Variants in PCDH15 observed in about 807,000 individuals in gnomAD.
The protein encoded by PCDH15 is protocadherin-15.
A neutral mutation model predicts 178.5 loss-of-function variants in PCDH15; 129 were observed. That is an observed-to-expected ratio of 0.72 (90% CI 0.63 to 0.84). PCDH15 has a LOEUF of 0.84. PCDH15 is among the 40% of genes least tolerant of loss of function. The pLI is 0.00. For missense variants in PCDH15, 2,230 were observed against 2,099.9 expected, an observed-to-expected ratio of 1.06 and a Z score of -1.21; for synonymous variants, 800 against 732.0, an observed-to-expected ratio of 1.09 and a Z score of -1.50.
At chr10:54,306,336 A>T (rs994166095) in intron 8 of PCDH15, among the ~76,000 whole-genome samples, 5 of 151,962 alleles carry the variant, frequency 3.3e-5, no homozygotes, top group Admixed American at 3.3e-4. Flanking sequence ...ATGTATGTAT[A>T]TGTGTATGTT....
At chr10:54,964,151 G>A (rs192374001) in intron 2 of PCDH15, among the ~76,000 whole-genome samples, 8 of 152,190 alleles carry the variant, frequency 5.3e-5, no homozygotes, top group Admixed American at 2.6e-4. Context: ...AAGCCCTGAC[G>A]GTTGGTTTCC....
chr10:53,867,423 T>C (rs73238487), intron 26 of PCDH15, among the ~76,000 whole-genome samples: 1,885 of 152,266 alleles, frequency 0.012, 32 homozygotes, highest in African/African-American at 0.043. Context: ...CTGTTTGAGA[T>C]GACAGATATG....
At chr10:55,370,711 G>T (rs10763197) in intron 2 of PCDH15, among the ~76,000 whole-genome samples, 29,682 of 152,032 alleles carry the variant, frequency 0.2, 3,874 homozygotes, top group Non-Finnish European at 0.29. Flanking sequence ...AAGTAAATCA[G>T]AAGTGTACCT....
At chr10:54,643,934 C>T (rs559915262) in intron 2 of PCDH15, among the ~76,000 whole-genome samples, 14 of 148,076 alleles carry the variant, frequency 9.5e-5, no homozygotes, top group Non-Finnish European at 1.8e-4. Context: ...CGTCACTTAG[C>T]ATTAGGTATA....
chr10:55,337,999 C>A (rs980253524), intron 2 of PCDH15, among the ~76,000 whole-genome samples: 1 of 152,012 alleles, frequency 6.6e-6, no homozygotes, highest in Admixed American at 6.6e-5. Flanking sequence ...AGCAAAAGAT[C>A]TCTAGACATT....
intron 2 of PCDH15, among the ~76,000 whole-genome samples, chr10:55,072,908 G>C (rs1245430334): frequency 6.6e-6 from 1 of 150,436 alleles, no homozygotes; most frequent in African/African-American, 2.4e-5. Context: ...CCATGATCAA[G>C]TGGGCTTCAT....
intron 1 of PCDH15, among the ~76,000 whole-genome samples, chr10:55,198,765 G>A (rs937445292): frequency 6.6e-6 from 1 of 151,698 alleles, no homozygotes; most frequent in African/African-American, 2.4e-5. Context: ...TTACAGGCGT[G>A]AGCCACCACA....
chr10:55,477,661 CT>C (rs528459816), intron 2 of PCDH15, among the ~76,000 whole-genome samples: 2 of 151,756 alleles, frequency 1.3e-5, no homozygotes, highest in Non-Finnish European at 2.9e-5. Flanking sequence ...CTTAATGTGG[CT>C]TTTTTGATCT....
chr10:53,981,913 C>A (rs945271440), intron 21 of PCDH15, among the ~76,000 whole-genome samples: 1 of 150,590 alleles, frequency 6.6e-6, no homozygotes, highest in Admixed American at 6.6e-5. Flanking sequence ...TTTTCACAAC[C>A]TACTCATCTG....
At chr10:54,849,921 A>G (rs1336158562) in intron 3 of PCDH15, among the ~76,000 whole-genome samples, 1 of 152,142 alleles carries the variant, frequency 6.6e-6, no homozygotes, top group Non-Finnish European at 1.5e-5. Context: ...TTCTATGACT[A>G]TTTGAAGGGT....
At chr10:55,587,943 C>CTT (rs2132127882) in intron 2 of PCDH15, among the ~76,000 whole-genome samples, 1 of 152,194 alleles carries the variant, frequency 6.6e-6, no homozygotes, top group African/African-American at 2.4e-5. Flanking sequence ...AGAAAGAAAG[C>CTT]AGAGCAAATG....
At chr10:55,093,623 A>T (rs2132037926) in intron 2 of PCDH15, among the ~76,000 whole-genome samples, 1 of 152,256 alleles carries the variant, frequency 6.6e-6, no homozygotes, top group Non-Finnish European at 1.5e-5. Context: ...CTAACATTTA[A>T]GTCTTTAATC....
At chr10:54,240,820 A>G (rs920178298) in intron 8 of PCDH15, among the ~76,000 whole-genome samples, 1 of 151,454 alleles carries the variant, frequency 6.6e-6, no homozygotes, top group African/African-American at 2.4e-5. Flanking sequence ...TTTAGGAGAG[A>G]CGGGGTTTCA....
At chr10:53,818,657 A>G (rs1251679117) in intron 33 of PCDH15, among the ~76,000 whole-genome samples, 2 of 152,104 alleles carry the variant, frequency 1.3e-5, no homozygotes, top group Non-Finnish European at 1.5e-5. Flanking sequence ...GTTTGACTAT[A>G]CTTGAGGGGG....
At chr10:55,386,276 G>C (rs967745238) in intron 2 of PCDH15, among the ~76,000 whole-genome samples, 16 of 151,740 alleles carry the variant, frequency 1.1e-4, no homozygotes, top group African/African-American at 3.6e-4. Flanking sequence ...CATAAAAGAA[G>C]ATAATATGAA....
At chr10:54,310,411 C>T (rs551720965) in intron 8 of PCDH15, among the ~76,000 whole-genome samples, 31 of 152,062 alleles carry the variant, frequency 2.0e-4, no homozygotes, top group Non-Finnish European at 4.0e-4. Context: ...AGGTGTCAAA[C>T]AGATTTGAGT....
chr10:54,051,890 G>A (rs1377478670), intron 18 of PCDH15, among the ~76,000 whole-genome samples: 1 of 151,996 alleles, frequency 6.6e-6, no homozygotes, highest in Non-Finnish European at 1.5e-5. Context: ...CCCATGTTCT[G>A]CCTGCTTCAG....
At position 55,453,261 on chromosome 10, in the gene PCDH15, T is replaced by C. The variant is rs1323924848; in HGVS notation, c.-156+174364A>G. Among the ~76,000 whole-genome samples, 8 of 152,138 alleles carry C rather than the reference T, an allele frequency of 5.3e-5. 1 individual carries two copies. The highest frequency in any genetic ancestry group is 1.0e-4 in the Non-Finnish European group (7 of 68,034). Reference sequence around the variant, plus strand: ...AAATACAAGATCATCAGCAAGAGGATAGGTGGATTAGATGCCCTCCCACAT... The same window carrying C: ...AAATACAAGATCATCAGCAAGAGGACAGGTGGATTAGATGCCCTCCCACAT... On this transcript the variant is annotated intron_variant, in intron 2 of 5. Transcript: ENST00000613346.
chr10:54,562,509 T>C lies in PCDH15; in HGVS notation c.92-34632A>G, dbSNP rs569066366. On this transcript the variant is annotated intron_variant, in intron 2 of 37. Coordinates refer to ENST00000644397, the MANE Select transcript of PCDH15 (RefSeq NM_001384140.1). ...AGGTCTCTCATGGCATACAAAGTCA[T>C]GTGATACACAGTAGCACACCTCATC... Among the ~76,000 whole-genome samples, 10 of 152,258 alleles carry C rather than the reference T, an allele frequency of 6.6e-5. No homozygotes were observed. The South Asian group carries it at 1.9e-3, about 28-fold the overall frequency.
Sources: gnomAD v4.1 joint callset for allele counts (sites outside exome capture counted in the v4.1 genomes callset) on GRCh38, gnomAD v4.1.1 for gene constraint, MANE v1.5 for transcripts, NCBI Gene and HGNC (gene_info 2026-07-23, HGNC 2026-07-21) for gene names.